GRID1: variants seen among roughly 807,000 people sequenced by gnomAD.
The protein encoded by GRID1 is glutamate ionotropic receptor delta type subunit 1, also known as glutamate receptor ionotropic, delta-1.
Under a neutral mutation model 98.0 loss-of-function variants are expected in GRID1, and 28 were observed. The observed-to-expected ratio is 0.29, with a 90% CI of 0.21 to 0.39. GRID1 has a LOEUF of 0.39. Among genes scored for constraint, GRID1 ranks in the 10% least tolerant of loss-of-function variants. The pLI is 1.00. For missense variants in GRID1, 1,111 were observed against 1,340.5 expected, an observed-to-expected ratio of 0.83 and a Z score of 2.67; for synonymous variants, 553 against 538.5, an observed-to-expected ratio of 1.03 and a Z score of -0.37.
chr10:86,167,135 C>G (rs953175178), intron 3 of GRID1, among the ~76,000 whole-genome samples: 7 of 152,184 alleles, frequency 4.6e-5, no homozygotes, highest in African/African-American at 1.7e-4. Context: ...ATCAGGGAGA[C>G]CTGAGGTTTT....
chr10:85,966,138 G>A (rs1411942247), intron 4 of GRID1, among the ~76,000 whole-genome samples: 4 of 152,316 alleles, frequency 2.6e-5, no homozygotes, highest in African/African-American at 2.4e-5. Flanking sequence ...CTGGCTTAAA[G>A]CTCACTAGGT....
At chr10:85,804,624 C>T (rs1177807796) in intron 8 of GRID1, among the ~76,000 whole-genome samples, 1 of 151,768 alleles carries the variant, frequency 6.6e-6, no homozygotes, top group Admixed American at 6.6e-5. Context: ...AAAGATATAG[C>T]ATTATGACTA....
intron 8 of GRID1, among the ~76,000 whole-genome samples, chr10:85,786,754 C>T (rs1413709093): frequency 4.6e-5 from 7 of 152,208 alleles, no homozygotes; most frequent in Non-Finnish European, 8.8e-5. Context: ...CCCCACCCCC[C>T]GCCAGGACCC....
intron 2 of GRID1, among the ~76,000 whole-genome samples, chr10:86,243,306 A>G (rs1846667925): frequency 6.6e-6 from 1 of 152,158 alleles, no homozygotes; most frequent in African/African-American, 2.4e-5. Context: ...AGGACAGGAT[A>G]GGGGTCAGCC....
At chr10:85,675,691 A>G (rs533137575) in intron 12 of GRID1, among the ~76,000 whole-genome samples, 1 of 152,344 alleles carries the variant, frequency 6.6e-6, no homozygotes, top group Non-Finnish European at 1.5e-5. Context: ...AACTTCAGAG[A>G]GAAGAATAAT....
At chr10:86,084,431 GTAAAATTTCTATCAA>G (rs1844021465) in intron 4 of GRID1, among the ~76,000 whole-genome samples, 1 of 152,174 alleles carries the variant, frequency 6.6e-6, no homozygotes, top group Non-Finnish European at 1.5e-5. Context: ...TGACAGAAAT[GTAAAATTTCTATCAA>G]TAAAAATTCT....
intron 2 of GRID1, among the ~76,000 whole-genome samples, chr10:86,230,987 C>T (rs1055688372): frequency 6.6e-6 from 1 of 152,202 alleles, no homozygotes; most frequent in Non-Finnish European, 1.5e-5. Flanking sequence ...ATCCCTGGTT[C>T]CATGAGACTT....
At chr10:85,985,576 C>T (rs191672547) in intron 4 of GRID1, among the ~76,000 whole-genome samples, 1,642 of 152,290 alleles carry the variant, frequency 0.011, no homozygotes, top group African/African-American at 0.038. Context: ...ACCCCAGATG[C>T]AGCAAGAACC....
At chr10:85,699,058 G>T (rs1284231713) in intron 12 of GRID1, among the ~76,000 whole-genome samples, 5 of 151,680 alleles carry the variant, frequency 3.3e-5, no homozygotes, top group South Asian at 4.2e-4. Flanking sequence ...TTTGTTTTTT[G>T]TTTTGTTTTT....
At position 85,784,705 on chromosome 10, in the gene GRID1, A is replaced by G. The variant is rs1842410280; in HGVS notation, c.1234-55091T>C. ...CAAGGAGCCCATCTTAAGCTGATGG[A>G]GTCCAGAAGTTCTGGGCTTTTGAAT... On this transcript the variant is annotated intron_variant, in intron 8 of 15. Coordinates refer to ENST00000327946, the MANE Select transcript of GRID1 (RefSeq NM_017551.3). 1.3e-5 allele frequency among the ~76,000 whole-genome samples: 2 copies of G among 152,204 alleles called. 1 individual carries two copies. The highest frequency in any genetic ancestry group is 4.1e-4 in the South Asian group (2 of 4,832).
At chr10:86,046,855 C>T (rs539125827) in intron 4 of GRID1, among the ~76,000 whole-genome samples, 1 of 128,766 alleles carries the variant, frequency 7.8e-6, no homozygotes, top group South Asian at 3.1e-4. Flanking sequence ...ATTTTTAAGC[C>T]CATTTCAAAA....
intron 3 of GRID1, among the ~76,000 whole-genome samples, chr10:86,184,461 C>CTTT (rs1198471392): frequency 0.051 from 6,231 of 122,772 alleles, 473 homozygotes; most frequent in East Asian, 0.35. Context: ...TTTCTTTTTT[C>CTTT]TTTTTTTTTT....
rs1445354261 is a variant in GRID1 at position 86,206,578 on chromosome 10, C to A, written c.306G>T (p.Leu102=). ...TSTGCASANA[L]QSLTDAMHIP... ...TGTGCATGGCATCCGTGAGGGACTG[C>A]AGGGCATTGGCAGATGCACAGCCAG... Residue 102 remains leucine (L), a synonymous_variant, in exon 3 of 16, where the codon CTG becomes CTT. Coordinates refer to ENST00000327946, the MANE Select transcript of GRID1 (RefSeq NM_017551.3). The surrounding 1 kb of genome is among the most constrained non-coding windows in gnomAD (Gnocchi z 4.1). 10 of 1,614,072 alleles carry A rather than the reference C, an allele frequency of 6.2e-6. No homozygotes were observed. The highest frequency in any genetic ancestry group is 8.5e-6 in the Non-Finnish European group (10 of 1,180,032).
chr10:86,176,594 G>A (rs374192619), intron 3 of GRID1, among the ~76,000 whole-genome samples: 1 of 152,208 alleles, frequency 6.6e-6, no homozygotes, highest in Non-Finnish European at 1.5e-5. Flanking sequence ...GGGCCAGGTG[G>A]GAAAGGGTCC....
chr10:85,941,722 C>A (rs7899924), intron 4 of GRID1, among the ~76,000 whole-genome samples: 34,003 of 152,150 alleles, frequency 0.22, 3,876 homozygotes, highest in South Asian at 0.35. Flanking sequence ...GCATGAATTT[C>A]ACAGGTCACA....
intron 12 of GRID1, among the ~76,000 whole-genome samples, chr10:85,670,592 G>A (rs972801315): frequency 8.5e-5 from 13 of 152,170 alleles, no homozygotes; most frequent in Non-Finnish European, 1.6e-4. Context: ...ATGACTGCAA[G>A]GGGGAGAAGA....
intron 12 of GRID1, among the ~76,000 whole-genome samples, chr10:85,693,489 G>T (rs925866653): frequency 2.0e-5 from 3 of 151,942 alleles, no homozygotes; most frequent in Non-Finnish European, 2.9e-5. Context: ...ATCAGTATTG[G>T]CTCATCAACT....
chr10:86,346,444 G>A (rs534076437), intron 2 of GRID1, among the ~76,000 whole-genome samples: 21 of 152,304 alleles, frequency 1.4e-4, no homozygotes, highest in Admixed American at 1.4e-3. Flanking sequence ...CTGGCCCCAG[G>A]TCCACCCCCT....
chr10:86,075,047 A>G (rs1843861030), intron 4 of GRID1, among the ~76,000 whole-genome samples: 2 of 151,162 alleles, frequency 1.3e-5, no homozygotes, highest in African/African-American at 4.9e-5. Flanking sequence ...AGCTTCACTA[A>G]GCATGACACC....
Sources: allele counts gnomAD v4.1 joint callset (sites outside exome capture counted in the v4.1 genomes callset), GRCh38; gene constraint gnomAD v4.1.1; non-coding constraint Gnocchi (gnomAD v3.1); transcripts MANE v1.5; gene names NCBI Gene and HGNC (gene_info 2026-07-23, HGNC 2026-07-21).